Variants in ESCO2 observed in about 807,000 individuals in gnomAD.
The protein encoded by ESCO2 is establishment of sister chromatid cohesion N-acetyltransferase 2, also known as N-acetyltransferase ESCO2.
In ESCO2, 51 loss-of-function variants were observed where a neutral mutation model predicts 61.7. That is an observed-to-expected ratio of 0.83 (90% CI 0.66 to 1.04). The LOEUF is 1.04. Ranked by LOEUF, ESCO2 falls within the 50% of genes least tolerant of loss-of-function variation. ESCO2 has a pLI of 0.00. For synonymous variants in ESCO2, 230 were observed against 238.2 expected, an observed-to-expected ratio of 0.97 and a Z score of 0.32; for missense variants, 692 against 686.2, an observed-to-expected ratio of 1.01 and a Z score of -0.09.
At chr8:27,817,872 CTATGATGATTAAATCTCCT>C in the ESCO2 span, among the ~76,000 whole-genome samples, 1 of 152,162 alleles carries the variant, frequency 6.6e-6, no homozygotes, top group Non-Finnish European at 1.5e-5. Flanking sequence ...ATGAAACTTT[CTATGATGATTAAATCTCCT>C]AAATCTGCAT....
chr8:27,787,001 T>A (rs1378484153), intron 5 of ESCO2, among the ~76,000 whole-genome samples: 1 of 152,082 alleles, frequency 6.6e-6, no homozygotes, highest in East Asian at 1.9e-4. Flanking sequence ...GGGTGGAGAC[T>A]AGGGCCAGCT....
intron 10 of ESCO2, among the ~76,000 whole-genome samples, chr8:27,802,289 G>T (rs1453749368): frequency 2.0e-5 from 3 of 151,334 alleles, no homozygotes; most frequent in Non-Finnish European, 2.9e-5. Context: ...GCTCTCAGTG[G>T]ATGTTTACAT....
chr8:27,800,812 C>G (rs1805406752), intron 10 of ESCO2, among the ~76,000 whole-genome samples: 1 of 152,114 alleles, frequency 6.6e-6, no homozygotes, highest in Non-Finnish European at 1.5e-5. Flanking sequence ...ACCTTGAAAA[C>G]ATTATGCTAA....
At chr8:27,772,594 G>C, upstream of ESCO2, 3 of 1,532,674 alleles carry the variant, frequency 2.0e-6, no homozygotes, top group South Asian at 3.6e-5. Context: ...CTCAACTCAC[G>C]AAGCTCAGGA....
intron 10 of ESCO2, among the ~76,000 whole-genome samples, chr8:27,801,969 ATT>A (rs34539100): frequency 0.097 from 8,053 of 82,698 alleles, 85 homozygotes; most frequent in East Asian, 0.21. Context: ...CCTTCATGGC[ATT>A]TTTTTTTTTT....
intron 9 of ESCO2, among the ~76,000 whole-genome samples, chr8:27,797,034 C>T (rs1805312719): frequency 6.6e-6 from 1 of 152,110 alleles, no homozygotes; most frequent in Non-Finnish European, 1.5e-5. Context: ...ATTACTTGAG[C>T]CCAGGAGTTC....
chr8:27,780,031 A>C (rs965058857), intron 3 of ESCO2, 143 bp from the exon 4 acceptor site: 9 of 639,938 alleles, frequency 1.4e-5, no homozygotes, highest in Non-Finnish European at 2.5e-5. Context: ...AAATAGTTTG[A>C]AAATTGATTG....
At chr8:27,814,483 TTTG>T (rs1172278331), downstream of ESCO2, among the ~76,000 whole-genome samples, 4 of 152,152 alleles carry the variant, frequency 2.6e-5, no homozygotes, top group African/African-American at 9.6e-5. Flanking sequence ...AGCTTTTGGC[TTTG>T]TTAATATTTT....
At chr8:27,806,844 G>C (rs1805573525), downstream of ESCO2, among the ~76,000 whole-genome samples, 7 of 152,058 alleles carry the variant, frequency 4.6e-5, no homozygotes, top group Admixed American at 4.6e-4. Context: ...TTTAACTCTT[G>C]ACCTCCAATA....
chr8:27,789,785 A>G (rs1805133223), intron 7 of ESCO2, among the ~76,000 whole-genome samples: 1 of 151,684 alleles, frequency 6.6e-6, no homozygotes, highest in Non-Finnish European at 1.5e-5. Flanking sequence ...CCATCTCAAA[A>G]AAAAAAAAAA....
At chr8:27,792,504 C>T (rs918134320) in intron 8 of ESCO2, among the ~76,000 whole-genome samples, 164 bp from the exon 9 acceptor site, 1 of 152,110 alleles carries the variant, frequency 6.6e-6, no homozygotes, top group Non-Finnish European at 1.5e-5. Context: ...ACAGTAGCAG[C>T]TACATGCATC....
Position 27,788,877 on chromosome 8 carries a change from G to C in ESCO2, c.1162G>C (p.Val388Leu), listed in dbSNP as rs373061021. 1.3e-5 allele frequency: 21 copies of C among 1,613,970 alleles called. No homozygotes were observed. The African/African-American group carries it at 2.8e-4, about 22-fold the overall frequency. ...TGGTCAGAAACATTTTGGGGCTACT[G>C]TGTGCAAGTCTTGTGGTATGATATA... ...DAGQKHFGAT[V>L]CKSCGMIYTA... The change falls in exon 7 of 11, where the codon GTG becomes CTG. Residue 388 changes from valine (V) to leucine (L), a missense_variant. Val to Leu is a conservative substitution (Grantham distance 32, BLOSUM62 1). Transcript: ENST00000305188.
chr8:27,807,593 CAT>C (rs1805586517), downstream of ESCO2, among the ~76,000 whole-genome samples: 1 of 152,088 alleles, frequency 6.6e-6, no homozygotes, highest in Non-Finnish European at 1.5e-5. Flanking sequence ...TCATTCATGA[CAT>C]GTCTTTTTTC....
chr8:27,784,286 T>C (rs946433397), intron 5 of ESCO2, among the ~76,000 whole-genome samples: 2 of 152,214 alleles, frequency 1.3e-5, no homozygotes, highest in Admixed American at 1.3e-4. Flanking sequence ...TGAGTAATAA[T>C]AATTGCTAAC....
intron 9 of ESCO2, among the ~76,000 whole-genome samples, chr8:27,797,608 GGTT>G (rs1465074904): frequency 6.6e-6 from 1 of 152,014 alleles, no homozygotes; most frequent in African/African-American, 2.4e-5. Context: ...TTTGTTTTCT[GGTT>G]GTTTTATATA....
At chr8:27,816,543 A>G (rs1563489474), downstream of ESCO2, among the ~76,000 whole-genome samples, 1 of 151,112 alleles carries the variant, frequency 6.6e-6, no homozygotes, top group Non-Finnish European at 1.5e-5. Context: ...CGCCTGGTTA[A>G]TTTTTTGTAT....
At chr8:27,772,605 T>C (rs909101186), upstream of ESCO2, 34 of 1,503,636 alleles carry the variant, frequency 2.3e-5, no homozygotes, top group Non-Finnish European at 2.9e-5. Context: ...AAGCTCAGGA[T>C]ACCAGACTCG....
intron 9 of ESCO2, among the ~76,000 whole-genome samples, chr8:27,797,872 A>G (rs1171888139): frequency 6.6e-6 from 1 of 152,028 alleles, no homozygotes; most frequent in African/African-American, 2.4e-5. Context: ...TATGTTGTGT[A>G]TTTATTTAAG....
downstream of ESCO2, chr8:27,808,099 C>G: frequency 5.5e-6 from 2 of 361,760 alleles, no homozygotes; most frequent in African/African-American, 2.2e-5. Context: ...TTCCCAAATT[C>G]TTAGCTGATA....
Sources: gnomAD v4.1 joint callset for allele counts (sites outside exome capture counted in the v4.1 genomes callset) on GRCh38, gnomAD v4.1.1 for gene constraint, MANE v1.5 for transcripts, NCBI Gene and HGNC (gene_info 2026-07-23, HGNC 2026-07-21) for gene names.